STAU1: variants seen among roughly 807,000 people sequenced by gnomAD.
STAU1 encodes staufen double-stranded RNA binding protein 1.
In STAU1, 13 loss-of-function variants were observed where a neutral mutation model predicts 62.9. The observed-to-expected ratio is 0.21, with a 90% CI of 0.13 to 0.33. The LOEUF is 0.33. Among genes scored for constraint, STAU1 ranks in the 10% least tolerant of loss-of-function variants. The probability of loss-of-function intolerance (pLI) is 1.00; values close to 1 mark genes in which losing one functional copy is unlikely to be tolerated. For synonymous variants in STAU1, 269 were observed against 265.1 expected, an observed-to-expected ratio of 1.01 and a Z score of -0.14; for missense variants, 571 against 712.1, an observed-to-expected ratio of 0.80 and a Z score of 2.25.
the STAU1 span, among the ~76,000 whole-genome samples, chr20:49,205,151 T>C: frequency 6.6e-6 from 1 of 152,168 alleles, no homozygotes; most frequent in Non-Finnish European, 1.5e-5. Flanking sequence ...GAAAAGCAAA[T>C]CCCGTGCTAT....
At chr20:49,219,283 C>A in the STAU1 span, 53 of 1,452,594 alleles carry the variant, frequency 3.6e-5, no homozygotes, top group African/African-American at 6.5e-4. Context: ...CAACCACGCC[C>A]CATATTGCCG....
rs1600831482 is a variant in STAU1 at position 49,169,465 on chromosome 20, TGCTCAACAGTACTGTCCTGAAGACTAA to T, written c.-84-3207_-84-3181del. ...ACTTCTGTGTAAATTCTAAACCTGT[TGCTCAACAGTACTGTCCTGAAGACTAA>T]GTCCTTAAATGCAAATAAGTCTTTT... On this transcript the variant is annotated intron_variant, in intron 2 of 13. Transcript: ENST00000371856. 4.6e-5 allele frequency among the ~76,000 whole-genome samples: 7 copies of T among 152,354 alleles called. No individual in the cohort carries two copies. In the East Asian group the frequency reaches 1.3e-3, roughly 29 times the overall value.
At chr20:49,211,143 A>C in the STAU1 span, among the ~76,000 whole-genome samples, 1 of 152,196 alleles carries the variant, frequency 6.6e-6, no homozygotes, top group Admixed American at 6.6e-5. Flanking sequence ...TGTAGCATGT[A>C]TCTCACTTCA....
chr20:49,118,457 A>C, intron 9 of STAU1, 49 bp from the exon 10 acceptor site: 30 of 1,424,732 alleles, frequency 2.1e-5, no homozygotes, highest in Middle Eastern at 1.9e-4. Flanking sequence ...AAATCAGATC[A>C]CTGAAAAATT....
At chr20:49,187,845 G>A (rs917512538) in intron 1 of STAU1, among the ~76,000 whole-genome samples, 2 of 147,430 alleles carry the variant, frequency 1.4e-5, no homozygotes, top group Non-Finnish European at 3.0e-5. Flanking sequence ...CATGCGGGAC[G>A]AGGAAAGGCG....
At chr20:49,171,456 C>T (rs1449989648) in intron 2 of STAU1, among the ~76,000 whole-genome samples, 1 of 152,098 alleles carries the variant, frequency 6.6e-6, no homozygotes, top group Non-Finnish European at 1.5e-5. Context: ...CCACCACGCC[C>T]GGCTAATTTT....
chr20:49,171,526 A>T (rs980809069), intron 2 of STAU1, among the ~76,000 whole-genome samples: 11 of 152,120 alleles, frequency 7.2e-5, no homozygotes, highest in Non-Finnish European at 1.3e-4. Context: ...TGACCTTGTG[A>T]TCCGCCTGCC....
chr20:49,158,904 A>AAATAAAT, intron 3 of STAU1: 2 of 1,167,514 alleles, frequency 1.7e-6, no homozygotes, highest in African/African-American at 1.6e-5. Context: ...CTCCATCTCA[A>AAATAAAT]AAATAAATAA....
At chr20:49,118,123 G>A (rs545561502) in intron 10 of STAU1, 27 bp from the exon 11 acceptor site, 25 of 1,600,570 alleles carry the variant, frequency 1.6e-5, no homozygotes, top group South Asian at 7.7e-5. Context: ...CGGTAAACAC[G>A]AATCCACATC....
intron 6 of STAU1, chr20:49,135,009 G>C: frequency 6.2e-7 from 1 of 1,600,354 alleles, no homozygotes; most frequent in Non-Finnish European, 8.5e-7. Flanking sequence ...TCAGGACCTG[G>C]ACAGCGAAGG....
chr20:49,153,460 C>T (rs996936582), intron 4 of STAU1, among the ~76,000 whole-genome samples: 4 of 149,688 alleles, frequency 2.7e-5, no homozygotes, highest in Non-Finnish European at 4.4e-5. Flanking sequence ...AATCCCAGCA[C>T]TTTGGGAGGC....
the STAU1 span, among the ~76,000 whole-genome samples, chr20:49,215,164 C>A: frequency 6.6e-6 from 1 of 152,146 alleles, no homozygotes; most frequent in Non-Finnish European, 1.5e-5. Context: ...AGTCTGTTCC[C>A]ACTTTGGGGC....
At chr20:49,173,765 T>G (rs1173191308) in intron 2 of STAU1, among the ~76,000 whole-genome samples, 2 of 152,244 alleles carry the variant, frequency 1.3e-5, no homozygotes, top group Non-Finnish European at 2.9e-5. Context: ...AAGCTGCTAG[T>G]GGTCAACGAA....
intron 6 of STAU1, among the ~76,000 whole-genome samples, chr20:49,129,495 C>T (rs1324364102): frequency 1.3e-5 from 2 of 151,194 alleles, no homozygotes; most frequent in Non-Finnish European, 2.9e-5. Context: ...GCTATGTTGG[C>T]CAGGCTGGAA....
At chr20:49,128,693 G>A (rs73611342) in intron 6 of STAU1, among the ~76,000 whole-genome samples, 2 of 141,482 alleles carry the variant, frequency 1.4e-5, no homozygotes, top group African/African-American at 5.3e-5. Flanking sequence ...CAGCCTGGGC[G>A]ACAAGAGCAA....
At chr20:49,173,005 G>T (rs1176984801) in intron 2 of STAU1, among the ~76,000 whole-genome samples, 1 of 151,514 alleles carries the variant, frequency 6.6e-6, no homozygotes. Flanking sequence ...CCAACACCTG[G>T]CTAATGTTTT....
the STAU1 span, among the ~76,000 whole-genome samples, chr20:49,194,609 G>A: frequency 2.4e-5 from 3 of 127,038 alleles, no homozygotes; most frequent in Non-Finnish European, 5.2e-5. Context: ...ACAGAGTCTC[G>A]CTCTGTCGCC....
At chr20:49,153,465 G>A (rs1473082404) in intron 4 of STAU1, among the ~76,000 whole-genome samples, 2 of 151,270 alleles carry the variant, frequency 1.3e-5, no homozygotes, top group Non-Finnish European at 2.9e-5. Flanking sequence ...CAGCACTTTG[G>A]GAGGCCAAGG....
the STAU1 span, among the ~76,000 whole-genome samples, chr20:49,215,061 A>T: frequency 6.6e-6 from 1 of 152,142 alleles, no homozygotes. Context: ...CTCCCTAAAG[A>T]CCTTAGAAGC....
Sources: allele counts gnomAD v4.1 joint callset (sites outside exome capture counted in the v4.1 genomes callset), GRCh38; gene constraint gnomAD v4.1.1; transcripts MANE v1.5; gene names NCBI Gene and HGNC (gene_info 2026-07-23, HGNC 2026-07-21).